The following HHAT variants were observed in gnomAD, a reference collection of about 807,000 sequenced individuals.
HHAT encodes hedgehog acyltransferase.
HHAT carries 47 observed loss-of-function variants against 70.8 expected under a neutral mutation model. The ratio of observed to expected loss-of-function variants is 0.66; its 90% confidence interval spans 0.53 to 0.85. HHAT has a LOEUF of 0.85. Among genes scored for constraint, HHAT ranks in the 40% least tolerant of loss-of-function variants. The pLI is 0.00. For missense variants in HHAT, 609 were observed against 604.8 expected (o/e 1.01, Z -0.07); for synonymous variants, 228 against 247.6 (o/e 0.92, Z 0.74).
intron 3 of HHAT, among the ~76,000 whole-genome samples, chr1:210,386,222 C>CTTTTTTTTTTTTT (rs1295756019): frequency 2.9e-5 from 2 of 69,890 alleles, no homozygotes; most frequent in African/African-American, 1.1e-4. Context: ...GAGTCCTTTT[C>CTTTTTTTTTTTTT]TTTTTTTCTT....
intron 7 of HHAT, among the ~76,000 whole-genome samples, chr1:210,449,980 G>C (rs1044752886): frequency 1.3e-5 from 2 of 152,112 alleles, no homozygotes; most frequent in Admixed American, 6.6e-5. Flanking sequence ...CAAAGTTAGC[G>C]ATACGTATTT....
intron 10 of HHAT, among the ~76,000 whole-genome samples, chr1:210,621,153 CCT>C (rs961681549): frequency 3.3e-5 from 5 of 152,160 alleles, no homozygotes; most frequent in African/African-American, 1.2e-4. Context: ...AGAGAGTCTT[CCT>C]CTCTCAGTAC....
intron 9 of HHAT, among the ~76,000 whole-genome samples, chr1:210,553,871 A>G (rs1301580139): frequency 1.3e-5 from 2 of 152,096 alleles, no homozygotes; most frequent in Admixed American, 6.5e-5. Context: ...TATCCACTTC[A>G]TTACTCTCCA....
At chr1:210,499,046 G>A (rs1035346080) in intron 8 of HHAT, among the ~76,000 whole-genome samples, 2 of 152,104 alleles carry the variant, frequency 1.3e-5, no homozygotes, top group Admixed American at 6.5e-5. Context: ...GGGATTACAG[G>A]CATGAACCAC....
chr1:210,626,985 C>T (rs1440927475), intron 11 of HHAT, among the ~76,000 whole-genome samples: 1 of 152,200 alleles, frequency 6.6e-6, no homozygotes, highest in Non-Finnish European at 1.5e-5. Flanking sequence ...CCCATCTTTA[C>T]ACACTGAGGA....
intron 8 of HHAT, among the ~76,000 whole-genome samples, chr1:210,495,899 T>C (rs1042310043): frequency 4.6e-5 from 7 of 150,996 alleles, no homozygotes; most frequent in Admixed American, 2.0e-4. Flanking sequence ...TCCCAGCTAC[T>C]TGGGAGTCTG....
chr1:210,531,581 G>A (rs1004065506), intron 9 of HHAT, among the ~76,000 whole-genome samples: 1 of 152,056 alleles, frequency 6.6e-6, no homozygotes, highest in Non-Finnish European at 1.5e-5. Flanking sequence ...TCTGAGCCTC[G>A]GTTTTTTCAT....
intron 8 of HHAT, among the ~76,000 whole-genome samples, chr1:210,507,777 T>C (rs1410421445): frequency 6.6e-6 from 1 of 152,122 alleles, no homozygotes; most frequent in Non-Finnish European, 1.5e-5. Context: ...TTTACCATGG[T>C]AAAGAGGAAA....
rs570716953 is a variant in HHAT, at chr1:210,579,832, GAT to G, written c.1044-8064_1044-8063del. 2.4e-3 allele frequency among the ~76,000 whole-genome samples: 366 copies of G among 152,294 alleles called. 1 individual carries two copies. Among genetic ancestry groups the G allele is most frequent in the African/African-American group, 8.4e-3 (349 of 41,560 alleles). ...TCTCAGCCTCTCTTTCTGTGAGAAAGATAGAGCTTTTGTGAAGCCAGAGTTTG... is the reference window on the plus strand; with the variant it reads ...TCTCAGCCTCTCTTTCTGTGAGAAAGAGAGCTTTTGTGAAGCCAGAGTTTG... On this transcript the variant is annotated intron_variant, in intron 9 of 11. Coordinates refer to ENST00000261458, the MANE Select transcript of HHAT (RefSeq NM_018194.6).
chr1:210,494,542 C>CTTTCTTTTTTTT, intron 8 of HHAT, among the ~76,000 whole-genome samples: 1 of 82,850 alleles, frequency 1.2e-5, no homozygotes, highest in Non-Finnish European at 2.2e-5. Context: ...TTTGAAATAG[C>CTTTCTTTTTTTT]TTTTTTTTTT....
At chr1:210,373,419 T>C (rs1017606263) in intron 3 of HHAT, among the ~76,000 whole-genome samples, 1 of 152,168 alleles carries the variant, frequency 6.6e-6, no homozygotes, top group African/African-American at 2.4e-5. Flanking sequence ...TGACAGTTGA[T>C]AAGCCTTTGT....
intron 10 of HHAT, among the ~76,000 whole-genome samples, chr1:210,599,885 C>T (rs944631395): frequency 2.0e-5 from 3 of 152,144 alleles, no homozygotes; most frequent in African/African-American, 7.2e-5. Context: ...TGATCTTTCA[C>T]TTACTGCCTC....
chr1:210,469,533 A>G (rs1464774309), intron 8 of HHAT, among the ~76,000 whole-genome samples: 76 of 152,236 alleles, frequency 5.0e-4, no homozygotes, highest in Admixed American at 4.9e-3. Context: ...AGGTAAGATC[A>G]TGTACTAAAG....
At chr1:210,549,735 C>T (rs1295028778) in intron 9 of HHAT, among the ~76,000 whole-genome samples, 1 of 148,872 alleles carries the variant, frequency 6.7e-6, no homozygotes, top group Non-Finnish European at 1.5e-5. Flanking sequence ...TGGTGTACGC[C>T]TGTAGTCCCA....
intron 11 of HHAT, among the ~76,000 whole-genome samples, chr1:210,638,598 G>C (rs1672366637): frequency 6.6e-6 from 1 of 151,932 alleles, no homozygotes; most frequent in African/African-American, 2.4e-5. Flanking sequence ...ATTGAATATG[G>C]GGCTTGGTAT....
chr1:210,375,296 T>C (rs2090097407), intron 3 of HHAT, among the ~76,000 whole-genome samples: 1 of 127,276 alleles, frequency 7.9e-6, no homozygotes, highest in Non-Finnish European at 1.6e-5. Context: ...TGTGTATGTG[T>C]ATATACACAC....
chr1:210,453,762 T>A (rs2093803631), intron 7 of HHAT, among the ~76,000 whole-genome samples: 1 of 152,238 alleles, frequency 6.6e-6, no homozygotes, highest in Admixed American at 6.5e-5. Flanking sequence ...TTGAAGGATT[T>A]GCAATAGAAT....
At chr1:210,406,331 G>T (rs1296179705) in intron 6 of HHAT, among the ~76,000 whole-genome samples, 1 of 151,942 alleles carries the variant, frequency 6.6e-6, no homozygotes, top group Non-Finnish European at 1.5e-5. Context: ...TATAAGCTTT[G>T]CCTGTATGCT....
intron 3 of HHAT, among the ~76,000 whole-genome samples, chr1:210,381,122 C>T (rs1349380619): frequency 2.6e-5 from 4 of 151,802 alleles, no homozygotes; most frequent in Non-Finnish European, 4.4e-5. Flanking sequence ...GCATATAGTA[C>T]GGGGAGGAAA....
Sources: gnomAD v4.1 joint callset for allele counts (sites outside exome capture counted in the v4.1 genomes callset) on GRCh38, gnomAD v4.1.1 for gene constraint, MANE v1.5 for transcripts, NCBI Gene and HGNC (gene_info 2026-07-23, HGNC 2026-07-21) for gene names.